SERHL2: variants seen among roughly 807,000 people sequenced by gnomAD.
SERHL2 encodes serine hydrolase-like protein 2.
In SERHL2, 29 loss-of-function variants were observed where a neutral mutation model predicts 25.5. That is an observed-to-expected ratio of 1.14 (90% CI 0.85 to 1.55). SERHL2 has a LOEUF of 1.55. Ranked by LOEUF, SERHL2 falls within the 40% of genes most tolerant of loss-of-function variation. The probability of loss-of-function intolerance (pLI) is 0.00; values close to 1 mark genes in which losing one functional copy is unlikely to be tolerated. For missense variants in SERHL2, 240 were observed against 252.3 expected (o/e 0.95, Z 0.33); for synonymous variants, 95 against 103.5 (o/e 0.92, Z 0.50).
intron 10 of SERHL2, 132 bp downstream of exon 10, chr22:42,571,335 T>G: frequency 6.7e-7 from 1 of 1,502,154 alleles, no homozygotes; most frequent in Non-Finnish European, 8.9e-7. Context: ...CAAGATCTTT[T>G]TTGGGAAGCC....
At chr22:42,568,349 A>G (rs1345656672) in intron 9 of SERHL2, among the ~76,000 whole-genome samples, 7 of 116,232 alleles carry the variant, frequency 6.0e-5, no homozygotes, top group East Asian at 4.9e-4. Flanking sequence ...TAGATGAACA[A>G]TACCAGCTGT....
At chr22:42,570,299 C>T (rs1367790101) in intron 9 of SERHL2, among the ~76,000 whole-genome samples, 1 of 151,968 alleles carries the variant, frequency 6.6e-6, no homozygotes. Flanking sequence ...TGCCTGTAAT[C>T]CCAGCTACTC....
rs1569280187 is a variant in SERHL2, at chr22:42,566,568, A to AAG, written c.648+230_648+231insAG. On this transcript the variant is annotated intron_variant, in intron 9 of 11. Coordinates refer to ENST00000327678, the MANE Select transcript of SERHL2 (RefSeq NM_014509.5). ...GAGACTCCATCTCAAGAAAAAAAAAACAAAAGAAATTATATAGCTAACATA... is the reference window on the plus strand; with the variant it reads ...GAGACTCCATCTCAAGAAAAAAAAAAAGCAAAAGAAATTATATAGCTAACATA... 6.4e-3 allele frequency among the ~76,000 whole-genome samples: 969 copies of AAG among 151,314 alleles called. 8 individuals are homozygous for AAG. Among genetic ancestry groups the AAG allele is most frequent in the African/African-American group, 0.023 (942 of 41,262 alleles).
At chr22:42,571,517 C>G (rs943613951) in intron 10 of SERHL2, 13 of 1,136,614 alleles carry the variant, frequency 1.1e-5, no homozygotes, top group Non-Finnish European at 2.2e-6. Flanking sequence ...CCTCTGTCTC[C>G]TGGATTCAAA....
In SERHL2 at chr22:42,567,813, C is replaced by T. The variant is rs1319087310; in HGVS notation, c.648+1475C>T. ...TGGCACTATCTCAGCTCACGGCAACCTTTGCCTCCCAGGTTCGAGTGATTC... is the reference window on the plus strand; with the variant it reads ...TGGCACTATCTCAGCTCACGGCAACTTTTGCCTCCCAGGTTCGAGTGATTC... On this transcript the variant is annotated intron_variant, in intron 9 of 11. Transcript: ENST00000327678. 2.6e-5 allele frequency among the ~76,000 whole-genome samples: 4 copies of T among 151,736 alleles called. No homozygotes were observed. The South Asian group carries it at 8.3e-4, about 32-fold the overall frequency.
intron 9 of SERHL2, among the ~76,000 whole-genome samples, chr22:42,570,668 G>A (rs1437244093): frequency 6.6e-6 from 1 of 152,178 alleles, no homozygotes; most frequent in African/African-American, 2.4e-5. Context: ...TGCCCATCCT[G>A]CACTGTGGTC....
At chr22:42,561,962 C>T (rs567206914) in intron 8 of SERHL2, among the ~76,000 whole-genome samples, 1 of 151,764 alleles carries the variant, frequency 6.6e-6, no homozygotes, top group African/African-American at 2.4e-5. Context: ...TCGATTAGGC[C>T]CAGGTCACAG....
At chr22:42,570,473 C>G (rs1394081768) in intron 9 of SERHL2, among the ~76,000 whole-genome samples, 1 of 152,126 alleles carries the variant, frequency 6.6e-6, no homozygotes, top group Non-Finnish European at 1.5e-5. Flanking sequence ...CAATGTGATT[C>G]AAGATGTAAT....
Position 42,570,077 on chromosome 22 carries a change from C to G in SERHL2, c.649-1044C>G, listed in dbSNP as rs78255042. 7.5e-3 allele frequency: 1,140 copies of G among 152,154 alleles called. 22 individuals are homozygous for G. The highest frequency in any genetic ancestry group is 0.013 in the Non-Finnish European group (880 of 68,082). 9.4% of individuals were successfully genotyped at this position (152,154 alleles called of 1,614,324 possible). On this transcript the variant is annotated intron_variant, in intron 9 of 11. Transcript: ENST00000327678. ...GTCCCCAGATCAGAGCAGCACAGTGCAATGGAAGCAAAGCCTCACAGAACT... is the reference window on the plus strand; with the variant it reads ...GTCCCCAGATCAGAGCAGCACAGTGGAATGGAAGCAAAGCCTCACAGAACT...
chr22:42,561,259 C>T (rs1056220053), intron 8 of SERHL2, among the ~76,000 whole-genome samples: 13 of 151,816 alleles, frequency 8.6e-5, no homozygotes, highest in East Asian at 1.9e-4. Flanking sequence ...GAGATGGTGT[C>T]GTCGGATGGA....
intron 8 of SERHL2, among the ~76,000 whole-genome samples, chr22:42,561,491 G>C (rs1922674223): frequency 6.6e-6 from 1 of 151,036 alleles, no homozygotes; most frequent in South Asian, 2.1e-4. Flanking sequence ...GGGGGCGGGG[G>C]TGGGGGCGTG....
At chr22:42,570,759 A>C (rs1924058170) in intron 9 of SERHL2, among the ~76,000 whole-genome samples, 1 of 152,108 alleles carries the variant, frequency 6.6e-6, no homozygotes. Context: ...TGGACTGGGA[A>C]AGGGGTGTGG....
intron 9 of SERHL2, chr22:42,569,839 T>TTGTGTGTGTGTGTGTGTG (rs58527778): frequency 3.4e-5 from 5 of 146,864 alleles, no homozygotes; most frequent in East Asian, 4.0e-4. Context: ...TCATAGCAAT[T>TTGTGTGTGTGTGTGTGTG]TGTGTGTGTG....
At chr22:42,566,474 C>T (rs1196144587) in intron 9 of SERHL2, 136 bp downstream of exon 9, 1 of 783,188 alleles carries the variant, frequency 1.3e-6, no homozygotes, top group East Asian at 2.8e-5. Context: ...AGGACAATCG[C>T]TTGAATGGGA....
At chr22:42,563,354 G>A (rs6002795) in intron 8 of SERHL2, 46,063 of 395,198 alleles carry the variant, frequency 0.12, 5,425 homozygotes, top group East Asian at 0.61. Flanking sequence ...CAAGTGTGCA[G>A]ACCACACCTG....
chr22:42,569,839 T>TGTGTGTG (rs1923919189), intron 9 of SERHL2: 1 of 146,756 alleles, frequency 6.8e-6, no homozygotes, highest in East Asian at 2.0e-4. Context: ...TCATAGCAAT[T>TGTGTGTG]TGTGTGTGTG....
intron 8 of SERHL2, among the ~76,000 whole-genome samples, chr22:42,563,751 A>G (rs1922993444): frequency 1.3e-5 from 2 of 152,078 alleles, no homozygotes; most frequent in South Asian, 4.1e-4. Context: ...AAGGGCTATT[A>G]TTTTAAATAG....
At chr22:42,566,688 A>G (rs1169182987) in intron 9 of SERHL2, among the ~76,000 whole-genome samples, 1 of 152,098 alleles carries the variant, frequency 6.6e-6, no homozygotes, top group East Asian at 1.9e-4. Flanking sequence ...GAGACATCCC[A>G]GGCACTGGCT....
intron 10 of SERHL2, 76 bp from the exon 11 acceptor site, chr22:42,572,360 C>T (rs1028860506): frequency 1.1e-5 from 12 of 1,106,082 alleles, no homozygotes; most frequent in Non-Finnish European, 1.6e-5. Context: ...AGGCCTGAAC[C>T]CAGGGCAGGA....
Sources: allele counts gnomAD v4.1 joint callset (sites outside exome capture counted in the v4.1 genomes callset), GRCh38; gene constraint gnomAD v4.1.1; transcripts MANE v1.5; gene names NCBI Gene and HGNC (gene_info 2026-07-23, HGNC 2026-07-21).